The following CXCL13 variants were observed in gnomAD, a reference collection of about 807,000 sequenced individuals.
CXCL13 encodes the protein C-X-C motif chemokine 13.
A neutral mutation model predicts 12.2 loss-of-function variants in CXCL13; 7 were observed. The observed-to-expected ratio is 0.57, with a 90% confidence interval of 0.33 to 1.07. The LOEUF (loss-of-function observed/expected upper bound fraction) is 1.07. Among genes scored for constraint, CXCL13 ranks in the 50% least tolerant of loss-of-function variants. CXCL13 has a pLI of 0.04. For missense variants in CXCL13, 113 were observed against 127.4 expected (o/e 0.89, Z 0.55); for synonymous variants, 47 against 42.4 (o/e 1.11, Z -0.42).
Position 77,607,793 on chromosome 4 carries a change from A to C in CXCL13, c.155A>C (p.Gln52Pro). 6.2e-7 allele frequency: 1 copy of C among 1,614,074 alleles called. No individual in the cohort carries two copies. Among genetic ancestry groups the C allele is most frequent in the Non-Finnish European group, 8.5e-7 (1 of 1,179,956 alleles). Residue 52 changes from glutamine to proline, a missense_variant, in exon 2 of 4, where the codon CAA (glutamine) becomes CCA (proline). By Grantham distance (76) the Gln-to-Pro change is moderately conservative. Coordinates refer to ENST00000682537, the MANE Select transcript of CXCL13 (RefSeq NM_001371558.1). ...FIPRRFIDRI[Q>P]ILPRGNGCPR... is the part of the protein sequence containing the mutation. The stretch of plus-strand genomic sequence containing the variant: ...CCTAGACGCTTCATTGATCGAATTC[A>C]AATCTTGCCCCGTGGGAATGGTTGT...
At chr4:77,515,277 C>T (rs1201311006) in intron 1 of CXCL13, among the ~76,000 whole-genome samples, 1 of 152,174 alleles carries the variant, frequency 6.6e-6, no homozygotes, top group Non-Finnish European at 1.5e-5. Context: ...TTAGGATTGA[C>T]ATGGCGATGT....
chr4:77,561,924 G>T (rs2109813135), intron 1 of CXCL13, among the ~76,000 whole-genome samples: 1 of 152,294 alleles, frequency 6.6e-6, no homozygotes. Flanking sequence ...TGCGCCCAGT[G>T]CTTGTGGGCC....
At chr4:77,518,382 C>A (rs984278661) in intron 1 of CXCL13, among the ~76,000 whole-genome samples, 1 of 152,174 alleles carries the variant, frequency 6.6e-6, no homozygotes. Flanking sequence ...TAATATCCTG[C>A]AGAGTGTTTT....
At chr4:77,603,142 G>A (rs538358512), upstream of CXCL13, among the ~76,000 whole-genome samples, 7 of 152,138 alleles carry the variant, frequency 4.6e-5, no homozygotes, top group East Asian at 1.9e-4. Flanking sequence ...TACTCTTCCC[G>A]TTCTTGTCAG....
chr4:77,549,014 C>A (rs1725441847), intron 1 of CXCL13, among the ~76,000 whole-genome samples: 2 of 152,178 alleles, frequency 1.3e-5, no homozygotes, highest in South Asian at 2.1e-4. Context: ...TCCCATATTT[C>A]TTGGATGCTT....
chr4:77,567,258 A>C (rs1217540430), intron 1 of CXCL13, among the ~76,000 whole-genome samples: 1 of 151,874 alleles, frequency 6.6e-6, no homozygotes, highest in Non-Finnish European at 1.5e-5. Context: ...TAATCCCACC[A>C]CCCTTTGCTG....
At chr4:77,538,316 T>G (rs548375783) in intron 1 of CXCL13, among the ~76,000 whole-genome samples, 3 of 152,198 alleles carry the variant, frequency 2.0e-5, no homozygotes, top group Admixed American at 2.0e-4. Flanking sequence ...TTGTGGTTTT[T>G]TTTTGTTTGT....
intron 1 of CXCL13, among the ~76,000 whole-genome samples, chr4:77,606,897 C>T (rs1007423743): frequency 3.9e-5 from 6 of 152,174 alleles, no homozygotes; most frequent in African/African-American, 1.2e-4. Context: ...TTCATTAGAT[C>T]CCATTAAAAT....
chr4:77,562,685 G>A (rs1342673354), intron 1 of CXCL13, among the ~76,000 whole-genome samples: 3 of 142,818 alleles, frequency 2.1e-5, no homozygotes, highest in Non-Finnish European at 4.4e-5. Context: ...TCTAGCTAAA[G>A]GATTGTAAAC....
chr4:77,520,388 C>T (rs1374255215), intron 1 of CXCL13, among the ~76,000 whole-genome samples: 6 of 152,226 alleles, frequency 3.9e-5, no homozygotes, highest in Admixed American at 2.0e-4. Flanking sequence ...TCTTTTATTT[C>T]CTTGAGCAGT....
chr4:77,577,239 A>G (rs796909009), intron 1 of CXCL13, among the ~76,000 whole-genome samples: 6 of 152,252 alleles, frequency 3.9e-5, no homozygotes, highest in African/African-American at 1.4e-4. Flanking sequence ...CTCCTTAACC[A>G]TAGCCACCAG....
chr4:77,520,001 G>A (rs7685797), intron 1 of CXCL13, among the ~76,000 whole-genome samples: 47,046 of 151,966 alleles, frequency 0.31, 7,487 homozygotes, highest in South Asian at 0.44. Flanking sequence ...TTTTTGTCAG[G>A]TTTGTCAAAG....
At chr4:77,530,250 G>T (rs1482823504) in intron 1 of CXCL13, among the ~76,000 whole-genome samples, 2 of 152,046 alleles carry the variant, frequency 1.3e-5, no homozygotes, top group Non-Finnish European at 2.9e-5. Flanking sequence ...TTTTTGTTGT[G>T]TCTCTGCCAG....
intron 1 of CXCL13, among the ~76,000 whole-genome samples, chr4:77,532,099 C>A (rs1362238527): frequency 6.6e-6 from 1 of 152,154 alleles, no homozygotes; most frequent in Non-Finnish European, 1.5e-5. Context: ...ATGATGTTAG[C>A]TGGTTATTTT....
intron 1 of CXCL13, among the ~76,000 whole-genome samples, chr4:77,542,269 G>A (rs747764641): frequency 6.6e-6 from 1 of 152,182 alleles, no homozygotes; most frequent in South Asian, 2.1e-4. Flanking sequence ...ATGAGAGTAG[G>A]TATACTTGTC....
At chr4:77,586,002 G>T (rs1199330703) in intron 1 of CXCL13, among the ~76,000 whole-genome samples, 5 of 152,090 alleles carry the variant, frequency 3.3e-5, no homozygotes, top group African/African-American at 9.7e-5. Flanking sequence ...AGTATATTTT[G>T]AGTGTTTACA....
At chr4:77,528,538 G>A (rs1347969802) in intron 1 of CXCL13, among the ~76,000 whole-genome samples, 2 of 152,180 alleles carry the variant, frequency 1.3e-5, no homozygotes, top group African/African-American at 4.8e-5. Context: ...CTGATGATGA[G>A]CATTTTTTCA....
chr4:77,593,404 C>T (rs746966548), intron 1 of CXCL13, among the ~76,000 whole-genome samples: 7 of 152,190 alleles, frequency 4.6e-5, no homozygotes, highest in Admixed American at 1.3e-4. Context: ...TACCTAAGTT[C>T]GAGAGTCGTC....
chr4:77,597,037 C>T (rs560864187), intron 1 of CXCL13, among the ~76,000 whole-genome samples: 1 of 152,212 alleles, frequency 6.6e-6, no homozygotes, highest in East Asian at 1.9e-4. Flanking sequence ...GAGGACATTA[C>T]ACTAAGTAGT....
Sources: gnomAD v4.1 joint callset for allele counts (sites outside exome capture counted in the v4.1 genomes callset) on GRCh38, gnomAD v4.1.1 for gene constraint, MANE v1.5 for transcripts, NCBI Gene and HGNC (gene_info 2026-07-23, HGNC 2026-07-21) for gene names.